The following CSMD1 variants were observed in gnomAD, a reference collection of about 807,000 sequenced individuals.
The protein encoded by CSMD1 is CUB and Sushi multiple domains 1.
Under a neutral mutation model 417.5 loss-of-function variants are expected in CSMD1, and 213 were observed. The observed-to-expected ratio is 0.51, with a 90% CI of 0.46 to 0.57. The LOEUF is 0.57. Among genes scored for constraint, CSMD1 ranks in the 20% least tolerant of loss-of-function variants. CSMD1 has a pLI of 0.00. For missense variants in CSMD1, 6,923 were observed against 4,529.7 expected (o/e 1.53, Z -15.17); for synonymous variants, 2,862 against 1,736.8 (o/e 1.65, Z -16.11).
At chr8:3,876,271 T>G (rs1010624070) in intron 5 of CSMD1, among the ~76,000 whole-genome samples, 1 of 152,196 alleles carries the variant, frequency 6.6e-6, no homozygotes, top group Non-Finnish European at 1.5e-5. Context: ...CGTGTTGTTT[T>G]ATTTACCTTA....
At chr8:4,752,740 G>C (rs1426753114) in intron 1 of CSMD1, among the ~76,000 whole-genome samples, 2 of 152,166 alleles carry the variant, frequency 1.3e-5, no homozygotes, top group African/African-American at 2.4e-5. Flanking sequence ...TTGCTTCTTG[G>C]ATTTGCTCCG....
At chr8:3,798,935 T>C (rs1280987918) in intron 5 of CSMD1, among the ~76,000 whole-genome samples, 1 of 152,078 alleles carries the variant, frequency 6.6e-6, no homozygotes, top group South Asian at 2.1e-4. Context: ...AAACATATCA[T>C]ATATATAAAA....
intron 1 of CSMD1, among the ~76,000 whole-genome samples, chr8:4,750,782 A>G (rs1811268459): frequency 6.6e-6 from 1 of 152,144 alleles, no homozygotes; most frequent in South Asian, 2.1e-4. Flanking sequence ...GTATTAGCAT[A>G]AAATGTTTCG....
At chr8:3,010,236 G>C (rs1373811117) in intron 52 of CSMD1, among the ~76,000 whole-genome samples, 1 of 152,166 alleles carries the variant, frequency 6.6e-6, no homozygotes, top group African/African-American at 2.4e-5. Context: ...GGTGTTGCCT[G>C]TTTAAAACAC....
intron 6 of CSMD1, among the ~76,000 whole-genome samples, chr8:3,743,014 C>G (rs908659669): frequency 3.9e-5 from 6 of 152,228 alleles, no homozygotes; most frequent in Non-Finnish European, 7.3e-5. Context: ...ACCCTTGGAA[C>G]ATACGCCTAG....
At chr8:3,255,955 C>G (rs976817085) in intron 26 of CSMD1, among the ~76,000 whole-genome samples, 1 of 152,280 alleles carries the variant, frequency 6.6e-6, no homozygotes, top group South Asian at 2.1e-4. Context: ...TCTTCTGCAT[C>G]GTTCATGCTG....
intron 49 of CSMD1, among the ~76,000 whole-genome samples, chr8:3,059,563 G>C (rs375723531): frequency 6.6e-6 from 1 of 152,154 alleles, no homozygotes; most frequent in African/African-American, 2.4e-5. Flanking sequence ...GCTTATAGGA[G>C]GCACGTCAGG....
intron 2 of CSMD1, among the ~76,000 whole-genome samples, chr8:4,617,722 C>A (rs1359584956): frequency 6.6e-6 from 1 of 152,156 alleles, no homozygotes; most frequent in Non-Finnish European, 1.5e-5. Context: ...CACTTATTAC[C>A]TACCCCAACA....
At chr8:4,303,957 C>A (rs768662119) in intron 3 of CSMD1, among the ~76,000 whole-genome samples, 2 of 152,142 alleles carry the variant, frequency 1.3e-5, no homozygotes, top group Non-Finnish European at 2.9e-5. Context: ...TGCCACTTTT[C>A]CCTCTTCCTT....
chr8:4,426,139 A>G (rs1204784196), intron 2 of CSMD1, among the ~76,000 whole-genome samples: 1 of 151,890 alleles, frequency 6.6e-6, no homozygotes, highest in Non-Finnish European at 1.5e-5. Context: ...GACTGACATT[A>G]ATTTCCAGAC....
intron 3 of CSMD1, among the ~76,000 whole-genome samples, chr8:4,385,480 T>A (rs1803386184): frequency 6.6e-6 from 1 of 152,238 alleles, no homozygotes; most frequent in African/African-American, 2.4e-5. Flanking sequence ...ATATTTAAAA[T>A]AGATATTTGG....
chr8:4,399,806 G>C (rs995195511), intron 3 of CSMD1, among the ~76,000 whole-genome samples: 4 of 152,164 alleles, frequency 2.6e-5, no homozygotes, highest in African/African-American at 9.7e-5. Context: ...TCTGCTTTTA[G>C]GAAGCTATTA....
At chr8:2,968,078 C>G (rs948339318) in intron 57 of CSMD1, among the ~76,000 whole-genome samples, 1 of 152,126 alleles carries the variant, frequency 6.6e-6, no homozygotes, top group African/African-American at 2.4e-5. Flanking sequence ...ATGTATTTAC[C>G]AATCCAGAAG....
intron 20 of CSMD1, among the ~76,000 whole-genome samples, chr8:3,366,565 C>A (rs1052972910): frequency 4.6e-5 from 7 of 152,152 alleles, no homozygotes; most frequent in Non-Finnish European, 1.0e-4. Flanking sequence ...AAACTACAAG[C>A]TCATCCTCAA....
intron 52 of CSMD1, 54 bp downstream of exon 52, chr8:3,018,423 C>G (rs1809048265): frequency 6.5e-7 from 1 of 1,538,204 alleles, no homozygotes; most frequent in Non-Finnish European, 8.9e-7. Context: ...CAGCTGTAAT[C>G]TATTTCTAAG....
At chr8:3,436,057 T>C (rs895904840) in intron 12 of CSMD1, among the ~76,000 whole-genome samples, 4 of 152,108 alleles carry the variant, frequency 2.6e-5, no homozygotes, top group African/African-American at 9.7e-5. Context: ...CAGCACTCCC[T>C]TCCAGAGACT....
chr8:3,481,915 G>A (rs1241668979), intron 11 of CSMD1, among the ~76,000 whole-genome samples: 2 of 152,100 alleles, frequency 1.3e-5, no homozygotes, highest in Non-Finnish European at 2.9e-5. Context: ...CTGCTGTTTT[G>A]AGCCACCAAG....
chr8:4,070,650 C>T (rs1360401303), intron 3 of CSMD1, among the ~76,000 whole-genome samples: 2 of 152,124 alleles, frequency 1.3e-5, no homozygotes, highest in East Asian at 3.9e-4. Context: ...AGCCACCGTG[C>T]CCGGCCACCA....
chr8:3,979,293 T>A (rs1813675492), intron 5 of CSMD1, among the ~76,000 whole-genome samples: 1 of 152,220 alleles, frequency 6.6e-6, no homozygotes, highest in Admixed American at 6.5e-5. Context: ...TAATTTGTTC[T>A]GGATGTAGTA....
Sources: gnomAD v4.1 joint callset for allele counts (sites outside exome capture counted in the v4.1 genomes callset) on GRCh38, gnomAD v4.1.1 for gene constraint, MANE v1.5 for transcripts, NCBI Gene and HGNC (gene_info 2026-07-23, HGNC 2026-07-21) for gene names.